PSMC2: variants seen among roughly 807,000 people sequenced by gnomAD.
PSMC2 encodes 26S proteasome regulatory subunit 7.
PSMC2 carries 7 observed loss-of-function variants against 53.3 expected under a neutral mutation model. The ratio of observed to expected loss-of-function variants is 0.13; its 90% CI spans 0.07 to 0.25. The LOEUF (loss-of-function observed/expected upper bound fraction) is 0.25. Ranked by LOEUF, PSMC2 falls within the 10% of genes least tolerant of loss-of-function variation. The pLI is 1.00. For missense variants in PSMC2, 241 were observed against 544.0 expected (o/e 0.44, Z 5.54); for synonymous variants, 169 against 183.9 (o/e 0.92, Z 0.66).
At chr7:103,361,529 A>AAAAAG (rs1563491940) in intron 4 of PSMC2, among the ~76,000 whole-genome samples, 2 of 151,240 alleles carry the variant, frequency 1.3e-5, no homozygotes, top group Non-Finnish European at 3.0e-5. Flanking sequence ...AAAAAAAAAA[A>AAAAAG]AAAAGAAAAA....
chr7:103,356,038 C>T (rs1300842640), intron 4 of PSMC2, among the ~76,000 whole-genome samples: 1 of 152,142 alleles, frequency 6.6e-6, no homozygotes, highest in East Asian at 1.9e-4. Flanking sequence ...ATGAAAAACT[C>T]CCTTCTCATA....
intron 8 of PSMC2, among the ~76,000 whole-genome samples, chr7:103,364,958 C>CATACATATATATATATATAT (rs374432802): frequency 1.6e-5 from 2 of 125,500 alleles, no homozygotes; most frequent in African/African-American, 5.9e-5. Context: ...TGTAGACATA[C>CATACATATATATATATATAT]ATATATATAT....
chr7:103,365,935 T>TA, intron 8 of PSMC2, 141 bp from the exon 9 acceptor site: 1 of 683,160 alleles, frequency 1.5e-6, no homozygotes, highest in Non-Finnish European at 2.4e-6. Context: ...CTCAAAAAAA[T>TA]AAAAAAATAA....
chr7:103,360,975 G>A (rs188287455), intron 4 of PSMC2, among the ~76,000 whole-genome samples: 8 of 152,140 alleles, frequency 5.3e-5, no homozygotes, highest in African/African-American at 1.9e-4. Flanking sequence ...TTAGCCGGGC[G>A]TGCTGGCGCA....
At chr7:103,356,239 TA>T (rs1563486624) in intron 4 of PSMC2, among the ~76,000 whole-genome samples, 1 of 152,172 alleles carries the variant, frequency 6.6e-6, no homozygotes, top group Non-Finnish European at 1.5e-5. Context: ...CTTGTGTTTT[TA>T]AAAAATTGCA....
At position 103,347,695 on chromosome 7, in the gene PSMC2, C is replaced by G; in HGVS notation, c.-17C>G. ...CTGTGTAATCATTAAGGAGCGGAGG[C>G]TTTTGGAGCTGCTAAAATGCCGGAT... On this transcript the variant is annotated 5_prime_UTR_variant, in exon 1 of 12. Transcript: ENST00000292644. The G allele has an allele frequency of 6.2e-7, 1 of 1,613,780 alleles. No homozygotes were observed. The highest frequency in any genetic ancestry group is 1.1e-5 in the South Asian group (1 of 91,058).
intron 4 of PSMC2, among the ~76,000 whole-genome samples, chr7:103,361,448 T>C (rs1325542879): frequency 7.1e-6 from 1 of 141,556 alleles, no homozygotes; most frequent in Non-Finnish European, 1.5e-5. Flanking sequence ...AGGTGGAGGT[T>C]GCAGTGAGCC....
intron 6 of PSMC2, 139 bp from the exon 7 acceptor site, chr7:103,363,205 C>T: frequency 1.6e-6 from 1 of 637,518 alleles, no homozygotes; most frequent in Non-Finnish European, 2.7e-6. Flanking sequence ...AGTTCCAGGG[C>T]ACTGGGCAAT....
Position 103,354,901 on chromosome 7 carries a change from G to A in PSMC2, c.142G>A (p.Val48Ile), listed in dbSNP as rs1301108328. 17 of 1,613,572 alleles carry A rather than the reference G, an allele frequency of 1.1e-5. No individual in the cohort carries two copies. Among genetic ancestry groups the A allele is most frequent in the Non-Finnish European group, 1.2e-5 (14 of 1,179,684 alleles). ...CACTTACTCTAGGCAGATCAAGCAAGTTGAAGATGACATTCAGCAACTTCT... is the reference window on the plus strand; with the variant it reads ...CACTTACTCTAGGCAGATCAAGCAAATTGAAGATGACATTCAGCAACTTCT... ...QSTYSRQIKQ[V>I]EDDIQQLLKK... Residue 48 changes from valine (V) to isoleucine (I), a missense_variant, in exon 3 of 12, where the codon GTT (valine) becomes ATT (isoleucine). Coordinates refer to ENST00000292644, the MANE Select transcript of PSMC2 (RefSeq NM_002803.4).
intron 6 of PSMC2, 142 bp from the exon 7 acceptor site, chr7:103,363,202 G>C: frequency 1.6e-6 from 1 of 623,408 alleles, no homozygotes; most frequent in Non-Finnish European, 2.8e-6. Context: ...AGTAGTTCCA[G>C]GGCACTGGGC....
At chr7:103,358,270 A>G (rs780548719) in intron 4 of PSMC2, among the ~76,000 whole-genome samples, 2 of 152,158 alleles carry the variant, frequency 1.3e-5, no homozygotes, top group Non-Finnish European at 2.9e-5. Context: ...TGAAAATTGT[A>G]GAGTCTTCTC....
intron 1 of PSMC2, among the ~76,000 whole-genome samples, chr7:103,350,470 C>A (rs951892883): frequency 2.0e-4 from 30 of 152,034 alleles, no homozygotes; most frequent in African/African-American, 7.2e-4. Context: ...TACTATTCTC[C>A]CACAGTACAT....
At chr7:103,364,916 G>A (rs1017443714) in intron 8 of PSMC2, among the ~76,000 whole-genome samples, 2 of 145,178 alleles carry the variant, frequency 1.4e-5, no homozygotes, top group Non-Finnish European at 3.0e-5. Context: ...CAGTCCTAAT[G>A]AGAAAGTGAG....
chr7:103,364,976 TATATA>T, intron 8 of PSMC2, among the ~76,000 whole-genome samples: 2 of 145,358 alleles, frequency 1.4e-5, no homozygotes, highest in Non-Finnish European at 1.5e-5. Flanking sequence ...TATATATATA[TATATA>T]TATTTAGAGA....
rs1248705494 is a variant in PSMC2, at chr7:103,362,068, T to G, written c.402T>G (p.Ile134Met). The G allele has an allele frequency of 6.2e-7, 1 of 1,613,062 alleles. No individual in the cohort carries two copies. Among genetic ancestry groups the G allele is most frequent in the Non-Finnish European group, 8.5e-7 (1 of 1,179,790 alleles). ...GTGATCAGGTGGCACCTACTGACAT[T>G]GAAGAAGGGATGAGAGTGGGGTAAG... is the stretch of plus-strand genomic sequence containing the variant. ...DLSDQVAPTD[I>M]EEGMRVGVDR... The change falls in exon 5 of 12, where the codon ATT becomes ATG. Residue 134 changes from isoleucine to methionine, a missense_variant. By Grantham distance (10) the Ile-to-Met change is conservative. This residue lies in a region of PSMC2 where 75 missense variants were observed against 185.1 expected (regional missense o/e 0.41). Transcript: ENST00000292644.
intron 6 of PSMC2, 25 bp downstream of exon 6, chr7:103,362,783 G>GA: frequency 7.1e-7 from 1 of 1,408,642 alleles, no homozygotes; most frequent in Non-Finnish European, 9.9e-7. Context: ...GAGGGAAAAG[G>GA]AAGGCTATGT....
chr7:103,368,791 A>G lies in PSMC2; in HGVS notation c.*737A>G, dbSNP rs1211358237. ...ATTTGTACATATGATCTAATTTAGAAAGTCCAGAATTGGCTTCATACAGAA... is the reference window on the plus strand; with the variant it reads ...ATTTGTACATATGATCTAATTTAGAGAGTCCAGAATTGGCTTCATACAGAA... On this transcript the variant is annotated 3_prime_UTR_variant, in exon 12 of 12. Transcript: ENST00000292644. 6.6e-6 allele frequency: 1 copy of G among 152,250 alleles called. No homozygotes were observed. Among genetic ancestry groups the G allele is most frequent in the Non-Finnish European group, 1.5e-5 (1 of 68,046 alleles). 9.4% of individuals were successfully genotyped at this position (152,250 alleles called of 1,614,324 possible). A position where few individuals can be genotyped will look rare whatever the true frequency, so the allele number is the denominator to read the frequency against.
chr7:103,356,154 AT>A (rs533626972), intron 4 of PSMC2, among the ~76,000 whole-genome samples: 259 of 143,004 alleles, frequency 1.8e-3, no homozygotes, highest in Admixed American at 2.4e-3. Context: ...ACATATCCTG[AT>A]TTTTTTTTTT....
At chr7:103,358,536 TTTTC>T (rs1197506178) in intron 4 of PSMC2, among the ~76,000 whole-genome samples, 3 of 152,092 alleles carry the variant, frequency 2.0e-5, no homozygotes, top group Non-Finnish European at 2.9e-5. Context: ...TTCTATGAGC[TTTTC>T]TTTATCTTTG....
Sources: gnomAD v4.1 joint callset for allele counts (sites outside exome capture counted in the v4.1 genomes callset) on GRCh38, gnomAD v4.1.1 for gene constraint, gnomAD v4.1.1 regional missense constraint, MANE v1.5 for transcripts, NCBI Gene and HGNC (gene_info 2026-07-23, HGNC 2026-07-21) for gene names.